The following SORT1 variants were observed in gnomAD, a reference collection of about 807,000 sequenced individuals.
SORT1 encodes the protein sortilin.
A neutral mutation model predicts 101.7 loss-of-function variants in SORT1; 39 were observed. The observed-to-expected ratio is 0.38, with a 90% confidence interval of 0.30 to 0.50. The LOEUF (loss-of-function observed/expected upper bound fraction) is 0.50. SORT1 is among the 20% of genes least tolerant of loss of function. SORT1 has a pLI of 0.90. For missense variants in SORT1, 878 were observed against 1,040.4 expected, an observed-to-expected ratio of 0.84 and a Z score of 2.15; for synonymous variants, 396 against 393.7, an observed-to-expected ratio of 1.01 and a Z score of -0.07.
intron 11 of SORT1, among the ~76,000 whole-genome samples, chr1:109,329,240 G>A (rs557240465): frequency 3.9e-5 from 6 of 152,316 alleles, no homozygotes; most frequent in African/African-American, 1.4e-4. Flanking sequence ...CCAAAAGAGA[G>A]CAGGGGTGGC....
At chr1:109,343,289 CG>C (rs1282167922) in intron 8 of SORT1, among the ~76,000 whole-genome samples, 1 of 152,168 alleles carries the variant, frequency 6.6e-6, no homozygotes, top group Non-Finnish European at 1.5e-5. Flanking sequence ...TCACTCCAAT[CG>C]GCCTTTTAAC....
Position 109,314,387 on chromosome 1 carries a change from G to A in SORT1, c.2358-3C>T, listed in dbSNP as rs564052567. On this transcript the variant is annotated splice_polypyrimidine_tract_variant and splice_region_variant and intron_variant, in intron 18 of 19. Transcript: ENST00000256637. ...CAGAGTATCGATGCACCAGGAACCTGTGAACAGAAACCTCCTTAACACTCG... is the reference window on the plus strand; with the variant it reads ...CAGAGTATCGATGCACCAGGAACCTATGAACAGAAACCTCCTTAACACTCG... 384 of 1,613,698 alleles carry A rather than the reference G, an allele frequency of 2.4e-4. 1 individual carries two copies. In the South Asian group the frequency reaches 4.0e-3, roughly 17 times the overall value.
intron 7 of SORT1, among the ~76,000 whole-genome samples, chr1:109,346,701 C>T (rs1570931906): frequency 6.8e-6 from 1 of 146,660 alleles, no homozygotes; most frequent in Non-Finnish European, 1.5e-5. Context: ...GCGGAGATGG[C>T]GCCACTGCAC....
intron 3 of SORT1, among the ~76,000 whole-genome samples, chr1:109,355,747 G>T (rs1255037650): frequency 6.7e-6 from 1 of 149,596 alleles, no homozygotes; most frequent in Non-Finnish European, 1.5e-5. Flanking sequence ...GGAAATTTGG[G>T]GTCTTCTAGG....
Position 109,369,332 on chromosome 1 carries a change from G to A in SORT1, c.366+198C>T, listed in dbSNP as rs368907501. On this transcript the variant is annotated intron_variant, in intron 2 of 19. Coordinates refer to ENST00000256637, the MANE Select transcript of SORT1 (RefSeq NM_002959.7). ...AGCGAAACTCCGTCCCCACCCCCCC[G>A]CAAAAAAGATGTTCCCAATTCTAAA... 6.6e-5 allele frequency among the ~76,000 whole-genome samples: 10 copies of A among 151,794 alleles called. No individual in the cohort carries two copies. The East Asian group carries it at 1.4e-3, about 21-fold the overall frequency.
intron 3 of SORT1, among the ~76,000 whole-genome samples, chr1:109,359,581 C>T (rs1650574407): frequency 6.6e-6 from 1 of 152,152 alleles, no homozygotes; most frequent in South Asian, 2.1e-4. Context: ...CTCACTGCAA[C>T]CTCTGTCTCC....
At chr1:109,355,315 C>T in intron 4 of SORT1, 52 bp downstream of exon 4, 3 of 878,816 alleles carry the variant, frequency 3.4e-6, no homozygotes, top group Non-Finnish European at 5.9e-6. Context: ...TATCTGACAG[C>T]TCTGCATGTG....
In SORT1 at chr1:109,340,608, A is replaced by G. The variant is rs1557794808; in HGVS notation, c.1264+116T>C. Reference sequence around the variant, plus strand: ...AAAAAAAGGAAACAAAAAAATGTACATGGGTAGGCTTGTTGGCTTGGCAAG... The same window carrying G: ...AAAAAAAGGAAACAAAAAAATGTACGTGGGTAGGCTTGTTGGCTTGGCAAG... On this transcript the variant is annotated intron_variant, in intron 10 of 19. Coordinates refer to ENST00000256637, the MANE Select transcript of SORT1 (RefSeq NM_002959.7). The G allele has an allele frequency of 2.9e-6, 3 of 1,044,524 alleles. No homozygotes were observed. The East Asian group carries it at 7.3e-5, about 25-fold the overall frequency. The allele number at this position is 1,044,524 out of a possible 1,614,324, so 64.7% of individuals were successfully genotyped here.
intron 15 of SORT1, among the ~76,000 whole-genome samples, chr1:109,322,194 T>G (rs1647680597): frequency 6.6e-6 from 1 of 152,020 alleles, no homozygotes. Context: ...CGCCTCGGCC[T>G]CCCAAAGTGC....
intron 15 of SORT1, among the ~76,000 whole-genome samples, chr1:109,320,897 A>G (rs1647583819): frequency 6.6e-6 from 1 of 152,130 alleles, no homozygotes; most frequent in Non-Finnish European, 1.5e-5. Flanking sequence ...AAATTCGGAT[A>G]AGAGTTTTAG....
At position 109,359,089 on chromosome 1, in the gene SORT1, C is replaced by G. The variant is rs551190949; in HGVS notation, c.441-3620G>C. On this transcript the variant is annotated intron_variant, in intron 3 of 19. Coordinates refer to ENST00000256637, the MANE Select transcript of SORT1 (RefSeq NM_002959.7). The stretch of plus-strand genomic sequence containing the variant: ...TATAAACTGGGTGGCTTATAAACAG[C>G]AGAAATTCATTTCTCACTGTTCTGG... Among the ~76,000 whole-genome samples the G allele has an allele frequency of 1.5e-3, 234 of 152,264 alleles. 3 individuals carry two copies. Among genetic ancestry groups the G allele is most frequent in the East Asian group, 4.6e-3 (24 of 5,184 alleles).
At chr1:109,346,020 G>A (rs943902585) in intron 7 of SORT1, 139 bp from the exon 8 acceptor site, 26 of 739,428 alleles carry the variant, frequency 3.5e-5, no homozygotes, top group Non-Finnish European at 5.2e-5. Context: ...AACATAAAAT[G>A]TGATACAGCG....
chr1:109,361,171 TA>T (rs1157179368), intron 3 of SORT1, among the ~76,000 whole-genome samples: 1 of 152,254 alleles, frequency 6.6e-6, no homozygotes, highest in Non-Finnish European at 1.5e-5. Flanking sequence ...TCCCACATTT[TA>T]CTACGAGCAG....
At chr1:109,316,342 C>T (rs1332419420) in intron 17 of SORT1, among the ~76,000 whole-genome samples, 1 of 151,828 alleles carries the variant, frequency 6.6e-6, no homozygotes, top group Non-Finnish European at 1.5e-5. Context: ...CTCAGCCTCC[C>T]GAGTAACTGG....
At chr1:109,314,429 G>A (rs1658916801) in intron 18 of SORT1, 45 bp from the exon 19 acceptor site, 1 of 1,605,346 alleles carries the variant, frequency 6.2e-7, no homozygotes, top group African/African-American at 1.3e-5. Flanking sequence ...CACAGCAGGG[G>A]TGCACTTCTT....
At chr1:109,321,506 C>T (rs1034514896) in intron 15 of SORT1, among the ~76,000 whole-genome samples, 1 of 152,140 alleles carries the variant, frequency 6.6e-6, no homozygotes, top group Non-Finnish European at 1.5e-5. Context: ...ACAGGTTTAT[C>T]GATGACCTCC....
At chr1:109,374,820 G>A (rs986620076) in intron 1 of SORT1, among the ~76,000 whole-genome samples, 2 of 152,120 alleles carry the variant, frequency 1.3e-5, no homozygotes, top group Non-Finnish European at 1.5e-5. Context: ...CTAGCCAGGC[G>A]TGGTGACATA....
chr1:109,357,828 G>A (rs1650435205), intron 3 of SORT1, among the ~76,000 whole-genome samples: 1 of 152,178 alleles, frequency 6.6e-6, no homozygotes, highest in South Asian at 2.1e-4. Flanking sequence ...CCACCCAACA[G>A]AGTCCTATAT....
At chr1:109,358,852 TAAAAAA>T (rs745825760) in intron 3 of SORT1, among the ~76,000 whole-genome samples, 31 of 130,710 alleles carry the variant, frequency 2.4e-4, no homozygotes, top group African/African-American at 7.7e-4. Flanking sequence ...GACTCCGTCT[TAAAAAA>T]AAAAAAAAAA....
Sources: allele counts gnomAD v4.1 joint callset (sites outside exome capture counted in the v4.1 genomes callset), GRCh38; gene constraint gnomAD v4.1.1; transcripts MANE v1.5; gene names NCBI Gene and HGNC (gene_info 2026-07-23, HGNC 2026-07-21).